NPR1: variants seen among roughly 807,000 people sequenced by gnomAD.
The protein encoded by NPR1 is natriuretic peptide receptor 1, also known as atrial natriuretic peptide receptor 1.
NPR1 carries 57 observed loss-of-function variants against 116.9 expected under a neutral mutation model. The ratio of observed to expected loss-of-function variants is 0.49; its 90% CI spans 0.39 to 0.61. NPR1 has a LOEUF of 0.61. NPR1 is among the 20% of genes least tolerant of loss of function. NPR1 has a pLI of 0.00. For missense variants in NPR1, 1,096 were observed against 1,409.8 expected (o/e 0.78, Z 3.56); for synonymous variants, 555 against 601.6 (o/e 0.92, Z 1.13).
intron 12 of NPR1, 44 bp from the exon 13 acceptor site, chr1:153,687,156 A>G (rs1316770945): frequency 6.8e-6 from 11 of 1,613,764 alleles, no homozygotes; most frequent in African/African-American, 1.3e-5. Flanking sequence ...CCACGGGTGT[A>G]GGTCCCACTC....
chr1:153,686,849 C>A, intron 11 of NPR1, 99 bp downstream of exon 11: 2 of 1,296,946 alleles, frequency 1.5e-6, no homozygotes, highest in East Asian at 2.4e-5. Flanking sequence ...TCTTTCTGAC[C>A]TTTCTGGCCC....
chr1:153,690,299 G>C lies in NPR1; in HGVS notation c.2948G>C (p.Gly983Ala), dbSNP rs1480700457. The C allele has an allele frequency of 6.4e-7, 1 of 1,558,830 alleles. No homozygotes were observed. The highest frequency in any genetic ancestry group is 1.2e-5 in the South Asian group (1 of 84,646). The change falls in exon 20 of 22, where the codon GGA (glycine) becomes GCA (alanine). Residue 983 changes from glycine to alanine, a missense_variant. Physicochemically the swap from Gly to Ala is moderately conservative, Grantham distance 60. Transcript: ENST00000368680. ...CTCCTCCCAGGACCTGTGTGTGCTG[G>C]AGTGGTGGGACTGAAGATGCCCCGT... ...IGIHTGPVCA[G>A]VVGLKMPRYC...
chr1:153,692,129 A>T (rs942098107), intron 20 of NPR1, among the ~76,000 whole-genome samples: 1 of 152,096 alleles, frequency 6.6e-6, no homozygotes, highest in African/African-American at 2.4e-5. Flanking sequence ...GAAAGCAACA[A>T]TTTACATAGT....
chr1:153,690,942 CAAAAAAA>C (rs57820357), intron 20 of NPR1, among the ~76,000 whole-genome samples: 57 of 51,320 alleles, frequency 1.1e-3, no homozygotes, highest in African/African-American at 3.6e-3. Context: ...AACTCTGTCT[CAAAAAAA>C]AAAAAAAAAA....
At chr1:153,690,969 A>T (rs3891074) in intron 20 of NPR1, among the ~76,000 whole-genome samples, 2 of 129,666 alleles carry the variant, frequency 1.5e-5, no homozygotes. Context: ...AAAAAAAAAA[A>T]GACCCTCTGC....
In NPR1 at chr1:153,689,174, C is replaced by T. The variant is rs1406763951; in HGVS notation, c.2565-14C>T. 2 of 1,614,212 alleles carry T rather than the reference C, an allele frequency of 1.2e-6. No individual in the cohort carries two copies. Among genetic ancestry groups the T allele is most frequent in the East Asian group, 4.5e-5 (2 of 44,888 alleles). Reference sequence around the variant, plus strand: ...ACCCCCAACTCTGATCCTGCACCTGCCCTGACCCCTTAGCTCAGTGGCTGA... The same window carrying T: ...ACCCCCAACTCTGATCCTGCACCTGTCCTGACCCCTTAGCTCAGTGGCTGA... On this transcript the variant is annotated splice_polypyrimidine_tract_variant and intron_variant, in intron 16 of 21. Transcript: ENST00000368680. The surrounding 1 kb of genome is among the most constrained non-coding windows in gnomAD (Gnocchi z 5.1).
At position 153,679,543 on chromosome 1, in the gene NPR1, C is replaced by T. The variant is rs1669702058; in HGVS notation, c.435C>T (p.Gly145=). The T allele has an allele frequency of 1.9e-6, 3 of 1,542,916 alleles. No individual in the cohort carries two copies. In the African/African-American group the frequency reaches 4.1e-5, roughly 21 times the overall value. Reference sequence around the variant, plus strand: ...TGACCGCCGGCGCCCCGGCGCTGGGCTTCGGTGTCAAGGACGAGTATGCGC... The same window carrying T: ...TGACCGCCGGCGCCCCGGCGCTGGGTTTCGGTGTCAAGGACGAGTATGCGC... The part of the protein sequence containing the change: ...PLLTAGAPAL[G]FGVKDEYALT... Residue 145 remains glycine (G), a synonymous_variant, in exon 1 of 22, where the codon GGC becomes GGT. Transcript: ENST00000368680. This position sits in a 1 kb window ranked among gnomAD's most constrained non-coding sequence, Gnocchi z 4.2.
At position 153,686,700 on chromosome 1, in the gene NPR1, C is replaced by A. The variant is rs1393079474; in HGVS notation, c.1813C>A (p.Pro605Thr). The change falls in exon 11 of 22, where the codon CCC (proline) becomes ACC (threonine). Residue 605 changes from proline (P) to threonine (T), a missense_variant. Physicochemically the swap from Pro to Thr is conservative, Grantham distance 38. Transcript: ENST00000368680. ...CAGGTTTGTGGGAGCCTGCACCGAC[C>A]CCCCCAATATCTGCATCCTCACAGA... The part of the protein sequence containing the change: ...LTRFVGACTD[P>T]PNICILTEYC... The A allele has an allele frequency of 6.2e-7, 1 of 1,613,788 alleles. No individual in the cohort carries two copies. The highest frequency in any genetic ancestry group is 8.5e-7 in the Non-Finnish European group (1 of 1,179,866).
intron 19 of NPR1, 143 bp from the exon 20 acceptor site, chr1:153,690,141 T>TTTCA (rs1670062258): frequency 3.2e-6 from 1 of 315,670 alleles, no homozygotes; most frequent in African/African-American, 3.4e-5. Context: ...TCTCTCTCTC[T>TTTCA]CACACACACA....
chr1:153,682,648 TC>T, intron 5 of NPR1, 59 bp downstream of exon 5: 19 of 1,267,730 alleles, frequency 1.5e-5, no homozygotes, highest in Non-Finnish European at 1.9e-5. Context: ...CCCTCCTACT[TC>T]CCCCCCACAG....
intron 5 of NPR1, 84 bp from the exon 6 acceptor site, chr1:153,683,292 G>A: frequency 6.8e-7 from 1 of 1,477,740 alleles, no homozygotes; most frequent in Admixed American, 2.2e-5. Context: ...GCAGAGCTGG[G>A]GTAGGTGGGA....
intron 10 of NPR1, 71 bp downstream of exon 10, chr1:153,686,271 A>T: frequency 7.0e-7 from 1 of 1,431,656 alleles, no homozygotes; most frequent in South Asian, 1.2e-5. Context: ...GGCCAACAGA[A>T]CTAGTTATGG....
intron 6 of NPR1, 78 bp downstream of exon 6, chr1:153,683,589 C>T: frequency 6.3e-7 from 1 of 1,585,394 alleles, no homozygotes; most frequent in South Asian, 1.1e-5. Context: ...GTAGGTGCTC[C>T]TGTCCCATGC....
chr1:153,683,950 T>G (rs1669857691), intron 7 of NPR1, 126 bp downstream of exon 7: 3 of 771,750 alleles, frequency 3.9e-6, no homozygotes, highest in Admixed American at 2.2e-5. Flanking sequence ...CCAAGGGAGA[T>G]GAGGAAGAAA....
At chr1:153,685,943 C>A (rs1338075486) in intron 9 of NPR1, 63 bp downstream of exon 9, 1 of 1,514,154 alleles carries the variant, frequency 6.6e-7, no homozygotes. Context: ...TGATGGAGGA[C>A]TGGTGGGGGG....
rs537357187 is a variant in NPR1 at position 153,686,345 on chromosome 1, G to A, written c.1758+145G>A. The A allele has an allele frequency of 7.7e-6, 6 of 775,392 alleles. No homozygotes were observed. The East Asian group carries it at 1.6e-4, about 21-fold the overall frequency. The allele number at this position is 775,392 out of a possible 1,614,324, so 48.0% of individuals were successfully genotyped here. Reference sequence around the variant, plus strand: ...GAGCCCTGGGATGGACCTTCATCTTGTGGGTGGGAGTGGGGGTATCCTAAG... The same window carrying A: ...GAGCCCTGGGATGGACCTTCATCTTATGGGTGGGAGTGGGGGTATCCTAAG... On this transcript the variant is annotated intron_variant, in intron 10 of 21. Coordinates refer to ENST00000368680, the MANE Select transcript of NPR1 (RefSeq NM_000906.4).
In NPR1 at chr1:153,693,278, C is replaced by T. The variant is rs1670154645; in HGVS notation, c.3124-74C>T. 3 of 1,599,446 alleles carry T rather than the reference C, an allele frequency of 1.9e-6. No individual in the cohort carries two copies. The East Asian group carries it at 6.7e-5, about 36-fold the overall frequency. On this transcript the variant is annotated intron_variant, in intron 21 of 21. Transcript: ENST00000368680. ...CTTCTCAAGCAGCCAATGCCACTCC[C>T]ATCCCTAAGGCTCTCATCTGACTGG... is the stretch of plus-strand genomic sequence containing the variant.
chr1:153,689,956 C>T lies in NPR1; in HGVS notation c.2908C>T (p.Arg970Cys), dbSNP rs1670050054. 6.5e-7 allele frequency: 1 copy of T among 1,539,756 alleles called. No individual in the cohort carries two copies. Among genetic ancestry groups the T allele is most frequent in the Non-Finnish European group, 8.8e-7 (1 of 1,139,304 alleles). Residue 970 changes from arginine (R) to cysteine (C), a missense_variant, in exon 19 of 22, where the codon CGC becomes TGC. Physicochemically the swap from Arg to Cys is radical, Grantham distance 180. Coordinates refer to ENST00000368680, the MANE Select transcript of NPR1 (RefSeq NM_000906.4). The surrounding 1 kb of genome is among the most constrained non-coding windows in gnomAD (Gnocchi z 5.1). ...RIRHRPQEQL[R>C]LRIGIHTGPV... ...CCGCCACCGGCCCCAGGAGCAGCTG[C>T]GCTTGCGCATTGGCATCCACACAGG... is the stretch of plus-strand genomic sequence containing the variant.
At position 153,689,825 on chromosome 1, in the gene NPR1, C is replaced by T; in HGVS notation, c.2777C>T (p.Ala926Val). 6.4e-7 allele frequency: 1 copy of T among 1,574,398 alleles called. No homozygotes were observed. Among genetic ancestry groups the T allele is most frequent in the Non-Finnish European group, 8.7e-7 (1 of 1,155,376 alleles). Residue 926 changes from alanine (A) to valine (V), a missense_variant, in exon 19 of 22, where the codon GCC becomes GTC. Coordinates refer to ENST00000368680, the MANE Select transcript of NPR1 (RefSeq NM_000906.4). The surrounding 1 kb of genome is among the most constrained non-coding windows in gnomAD (Gnocchi z 5.1). ...CCACAGGTGGAGACAATTGGCGATG[C>T]CTACATGGTGGTGTCAGGGCTCCCT... ...DVYKVETIGDAYMVVSGLPVR... is the reference protein window; with the variant it reads ...DVYKVETIGDVYMVVSGLPVR...
Sources: allele counts gnomAD v4.1 joint callset (sites outside exome capture counted in the v4.1 genomes callset), GRCh38; gene constraint gnomAD v4.1.1; non-coding constraint Gnocchi (gnomAD v3.1); transcripts MANE v1.5; gene names NCBI Gene and HGNC (gene_info 2026-07-23, HGNC 2026-07-21).